The following TIMM10 variants were observed in gnomAD, a reference collection of about 807,000 sequenced individuals.
TIMM10 encodes translocase of inner mitochondrial membrane 10.
TIMM10 carries 13 observed loss-of-function variants against 9.1 expected under a neutral mutation model. The ratio of observed to expected loss-of-function variants is 1.42; its 90% CI spans 0.93 to 2.26. TIMM10 has a LOEUF of 2.26. Ranked by LOEUF, TIMM10 falls within the 30% of genes most tolerant of loss-of-function variation. The pLI is 0.00. For missense variants in TIMM10, 82 were observed against 113.6 expected, an observed-to-expected ratio of 0.72 and a Z score of 1.26; for synonymous variants, 40 against 42.1, an observed-to-expected ratio of 0.95 and a Z score of 0.20.
At chr11:57,529,118 C>A (rs1341828282) in intron 2 of TIMM10, among the ~76,000 whole-genome samples, 200 bp from the exon 3 acceptor site, 2 of 152,180 alleles carry the variant, frequency 1.3e-5, no homozygotes, top group East Asian at 1.9e-4. Flanking sequence ...AAGTAGAAAC[C>A]ATTTGTTGAG....
rs1944771920 is a variant in TIMM10 at position 57,528,626 on chromosome 11, G to A, written c.*91C>T. 3.1e-6 allele frequency: 4 copies of A among 1,311,228 alleles called. No homozygotes were observed. The South Asian group carries it at 3.8e-5, about 13-fold the overall frequency. 81.2% of individuals were successfully genotyped at this position (1,311,228 alleles called of 1,614,324 possible). ...GACTCTCTACAGAGAGCCTAGGCCTGGCAGTCTTCACAGATGACACCCAAC... is the reference window on the plus strand; with the variant it reads ...GACTCTCTACAGAGAGCCTAGGCCTAGCAGTCTTCACAGATGACACCCAAC... On this transcript the variant is annotated 3_prime_UTR_variant, in exon 3 of 3. Transcript: ENST00000257245.
intron 2 of TIMM10, 94 bp from the exon 3 acceptor site, chr11:57,529,012 C>T: frequency 7.6e-7 from 1 of 1,323,156 alleles, no homozygotes. Flanking sequence ...ATTTCACCTC[C>T]CCCAAGAAAG....
intron 2 of TIMM10, 43 bp downstream of exon 2, chr11:57,530,076 A>C: frequency 6.2e-7 from 1 of 1,607,782 alleles, no homozygotes; most frequent in Non-Finnish European, 8.5e-7. Context: ...AAGGGTGACC[A>C]AGACTTATTT....
intron 2 of TIMM10, among the ~76,000 whole-genome samples, chr11:57,529,322 T>C (rs1944777878): frequency 6.6e-6 from 1 of 152,222 alleles, no homozygotes; most frequent in Non-Finnish European, 1.5e-5. Flanking sequence ...CAGTCTACAC[T>C]TAAAAATCCT....
At chr11:57,529,215 C>T (rs746405226) in intron 2 of TIMM10, among the ~76,000 whole-genome samples, 2 of 152,160 alleles carry the variant, frequency 1.3e-5, no homozygotes, top group Non-Finnish European at 2.9e-5. Flanking sequence ...GACATGTATC[C>T]CCATTTTACA....
At chr11:57,529,563 G>A (rs1218296701) in intron 2 of TIMM10, among the ~76,000 whole-genome samples, 2 of 152,328 alleles carry the variant, frequency 1.3e-5, no homozygotes, top group African/African-American at 4.8e-5. Context: ...GTGATTGGTG[G>A]AGCCAGGATT....
intron 1 of TIMM10, 96 bp from the exon 2 acceptor site, chr11:57,530,330 C>G: frequency 1.4e-6 from 1 of 736,744 alleles, no homozygotes; most frequent in Non-Finnish European, 2.3e-6. Context: ...CGCCAGACCA[C>G]CACGGGCCAC....
intron 2 of TIMM10, among the ~76,000 whole-genome samples, chr11:57,529,514 T>C (rs780343071): frequency 6.6e-6 from 1 of 152,192 alleles, no homozygotes; most frequent in Non-Finnish European, 1.5e-5. Context: ...GGAAACCAAT[T>C]GTCAAACAGT....
Position 57,530,279 on chromosome 11 carries a change from C to T in TIMM10, c.-45-45G>A, listed in dbSNP as rs114665323. 3,393 of 1,349,078 alleles carry T rather than the reference C, an allele frequency of 2.5e-3. 69 individuals carry two copies. The African/African-American group carries it at 0.043, about 17-fold the overall frequency. 83.6% of individuals were successfully genotyped at this position (1,349,078 alleles called of 1,614,324 possible). On this transcript the variant is annotated intron_variant, in intron 1 of 2. Transcript: ENST00000257245. ...TCAGCACCCACCGCCGCCGTTCACTCTCCTACCCCTGGGGCTAGAGGATAC... is the reference window on the plus strand; with the variant it reads ...TCAGCACCCACCGCCGCCGTTCACTTTCCTACCCCTGGGGCTAGAGGATAC...
In TIMM10 at chr11:57,528,540, CATTCCA is replaced by C. The variant is rs1376659252; in HGVS notation, c.*171_*176del. 143 of 546,490 alleles carry C rather than the reference CATTCCA, an allele frequency of 2.6e-4. No individual in the cohort carries two copies. The highest frequency in any genetic ancestry group is 2.6e-3 in the African/African-American group (133 of 52,082). The allele number at this position is 546,490 out of a possible 1,614,324, so 33.9% of individuals were successfully genotyped here. ...ATACACATACATACACACACAGTCA[CATTCCA>C]GTGTGACAAATACTCCTTCACCAGG... is the stretch of plus-strand genomic sequence containing the variant. On this transcript the variant is annotated 3_prime_UTR_variant, in exon 3 of 3. Transcript: ENST00000257245.
chr11:57,528,522 T>A lies in TIMM10; in HGVS notation c.*195A>T. The A allele has an allele frequency of 7.4e-6, 3 of 407,466 alleles. No homozygotes were observed. Among genetic ancestry groups the A allele is most frequent in the Non-Finnish European group, 9.1e-6 (2 of 219,114 alleles). 25.2% of individuals were successfully genotyped at this position (407,466 alleles called of 1,614,324 possible). On this transcript the variant is annotated 3_prime_UTR_variant, in exon 3 of 3. Coordinates refer to ENST00000257245, the MANE Select transcript of TIMM10 (RefSeq NM_012456.3). Reference sequence around the variant, plus strand: ...ATATATATATATATATATATACACATACATACACACACAGTCACATTCCAG... The same window carrying A: ...ATATATATATATATATATATACACAAACATACACACACAGTCACATTCCAG...
chr11:57,529,142 C>T (rs1354278568), intron 2 of TIMM10, among the ~76,000 whole-genome samples: 2 of 152,196 alleles, frequency 1.3e-5, no homozygotes, highest in African/African-American at 4.8e-5. Context: ...TGGCTACATG[C>T]CAGGCATCCT....
Position 57,528,526 on chromosome 11 carries a change from T to G in TIMM10, c.*191A>C. 4.4e-6 allele frequency: 2 copies of G among 454,706 alleles called. No homozygotes were observed. The highest frequency in any genetic ancestry group is 8.1e-6 in the Non-Finnish European group (2 of 247,822). 28.2% of individuals were successfully genotyped at this position (454,706 alleles called of 1,614,324 possible). Reference sequence around the variant, plus strand: ...ATATATATATATATATACACATACATACACACACAGTCACATTCCAGTGTG... The same window carrying G: ...ATATATATATATATATACACATACAGACACACACAGTCACATTCCAGTGTG... On this transcript the variant is annotated 3_prime_UTR_variant, in exon 3 of 3. Transcript: ENST00000257245.
chr11:57,528,481 G>T lies in TIMM10; in HGVS notation c.*236C>A. ...GCACATAGTAGGTGTCAACAAACTT[G>T]TTTATATATATATATATATATATAT... On this transcript the variant is annotated 3_prime_UTR_variant, in exon 3 of 3. Coordinates refer to ENST00000257245, the MANE Select transcript of TIMM10 (RefSeq NM_012456.3). The T allele has an allele frequency of 1.3e-5, 1 of 79,182 alleles. No individual in the cohort carries two copies. Among genetic ancestry groups the T allele is most frequent in the African/African-American group, 7.7e-5 (1 of 12,942 alleles). 4.9% of individuals were successfully genotyped at this position (79,182 alleles called of 1,614,324 possible).
intron 2 of TIMM10, among the ~76,000 whole-genome samples, chr11:57,529,614 G>A (rs929433811): frequency 6.6e-6 from 1 of 152,196 alleles, no homozygotes; most frequent in Non-Finnish European, 1.5e-5. Context: ...ACTAGTTGCA[G>A]AATCAGACTG....
At chr11:57,529,594 G>A (rs1944779736) in intron 2 of TIMM10, among the ~76,000 whole-genome samples, 1 of 152,196 alleles carries the variant, frequency 6.6e-6, no homozygotes, top group South Asian at 2.1e-4. Context: ...TTTGCCAAAT[G>A]GTTATGAGCA....
chr11:57,529,999 G>A (rs1233531665), intron 2 of TIMM10, 120 bp downstream of exon 2: 2 of 1,054,010 alleles, frequency 1.9e-6, no homozygotes, highest in African/African-American at 1.6e-5. Context: ...GTGTGGGGAG[G>A]GTAAGCATGG....
At chr11:57,529,174 C>T (rs1944776616) in intron 2 of TIMM10, among the ~76,000 whole-genome samples, 1 of 152,230 alleles carries the variant, frequency 6.6e-6, no homozygotes, top group South Asian at 2.1e-4. Context: ...TACCTGCATT[C>T]TGTTATGCAA....
intron 2 of TIMM10, among the ~76,000 whole-genome samples, chr11:57,529,469 A>G (rs1440093004): frequency 6.6e-6 from 1 of 152,258 alleles, no homozygotes; most frequent in East Asian, 1.9e-4. Context: ...ATGATGTCCT[A>G]TGAGGTAGGT....
Sources: gnomAD v4.1 joint callset for allele counts (sites outside exome capture counted in the v4.1 genomes callset) on GRCh38, gnomAD v4.1.1 for gene constraint, MANE v1.5 for transcripts, NCBI Gene and HGNC (gene_info 2026-07-23, HGNC 2026-07-21) for gene names.